The following CAPZB variants were observed in gnomAD, a reference collection of about 807,000 sequenced individuals.
CAPZB encodes capping actin protein of muscle Z-line subunit beta.
Under a neutral mutation model 38.1 loss-of-function variants are expected in CAPZB, and 2 were observed. The observed-to-expected ratio is 0.05, with a 90% CI of 0.02 to 0.17. The LOEUF (loss-of-function observed/expected upper bound fraction) is 0.17. CAPZB is among the 10% of genes least tolerant of loss of function. The pLI, the probability that CAPZB is intolerant of heterozygous loss-of-function variation, is 1.00. For missense variants in CAPZB, 161 were observed against 334.2 expected (o/e 0.48, Z 4.04); for synonymous variants, 107 against 127.4 (o/e 0.84, Z 1.08).
At chr1:19,457,015 TG>T (rs1204485042) in intron 1 of CAPZB, among the ~76,000 whole-genome samples, 1 of 152,194 alleles carries the variant, frequency 6.6e-6, no homozygotes, top group Non-Finnish European at 1.5e-5. Context: ...CTGTGTGTGT[TG>T]GAGGGTAGCC....
intron 3 of CAPZB, among the ~76,000 whole-genome samples, chr1:19,382,695 A>T (rs527288317): frequency 6.3e-4 from 96 of 152,282 alleles, no homozygotes; most frequent in African/African-American, 2.2e-3. Context: ...GCAGGTACCA[A>T]GTCTCCCGCA....
At chr1:19,452,793 C>CTTTTTTTTTTT (rs34430556) in intron 1 of CAPZB, among the ~76,000 whole-genome samples, 4 of 118,432 alleles carry the variant, frequency 3.4e-5, no homozygotes, top group Non-Finnish European at 5.2e-5. Context: ...TAATTTCTTT[C>CTTTTTTTTTTT]TTTTTTTTTT....
intron 2 of CAPZB, among the ~76,000 whole-genome samples, chr1:19,411,434 C>T (rs145231909): frequency 1.6e-4 from 24 of 152,240 alleles, no homozygotes; most frequent in Non-Finnish European, 2.6e-4. Context: ...GAAATTCAAG[C>T]CCCTTCCCCT....
At position 19,339,496 on chromosome 1, in the gene CAPZB, T is replaced by A. The variant is rs531317274; in HGVS notation, c.*34A>T. The A allele has an allele frequency of 6.7e-7, 1 of 1,481,774 alleles. No homozygotes were observed. Among genetic ancestry groups the A allele is most frequent in the East Asian group, 2.3e-5 (1 of 44,234 alleles). The allele number at this position is 1,481,774 out of a possible 1,614,324, so 91.8% of individuals were successfully genotyped here. On this transcript the variant is annotated 3_prime_UTR_variant, in exon 9 of 9. Transcript: ENST00000264202. ...TTTTCTAAGAAAGGAATCTAACGAGTGCACGGCGTGTCTGGTTAGCATGAA... is the reference window on the plus strand; with the variant it reads ...TTTTCTAAGAAAGGAATCTAACGAGAGCACGGCGTGTCTGGTTAGCATGAA...
chr1:19,406,203 G>A (rs535359838), intron 2 of CAPZB, among the ~76,000 whole-genome samples: 17 of 152,296 alleles, frequency 1.1e-4, no homozygotes, highest in Non-Finnish European at 2.4e-4. Flanking sequence ...GGAGGAGGGC[G>A]GGACTATTCC....
chr1:19,440,932 T>C (rs890203636), intron 1 of CAPZB, among the ~76,000 whole-genome samples: 16 of 152,022 alleles, frequency 1.1e-4, no homozygotes, highest in Admixed American at 9.2e-4. Context: ...TGGTGGCGGG[T>C]GCCTGTGGTC....
At chr1:19,417,374 G>A (rs928378630) in intron 2 of CAPZB, among the ~76,000 whole-genome samples, 3 of 152,176 alleles carry the variant, frequency 2.0e-5, no homozygotes, top group Non-Finnish European at 2.9e-5. Flanking sequence ...AGCCAAGCAT[G>A]CTTTCATGCT....
chr1:19,371,672 C>A (rs1381662618), intron 4 of CAPZB, among the ~76,000 whole-genome samples: 3 of 152,090 alleles, frequency 2.0e-5, no homozygotes, highest in Non-Finnish European at 4.4e-5. Flanking sequence ...GCCTGGGAAG[C>A]CCCCCAGCAC....
chr1:19,444,581 C>T (rs1276749700), intron 1 of CAPZB, among the ~76,000 whole-genome samples: 1 of 152,196 alleles, frequency 6.6e-6, no homozygotes, highest in Admixed American at 6.5e-5. Context: ...CAGGCCCTGG[C>T]CTGGCTGTTC....
At chr1:19,434,298 T>C (rs2094451186) in intron 1 of CAPZB, among the ~76,000 whole-genome samples, 1 of 152,202 alleles carries the variant, frequency 6.6e-6, no homozygotes, top group Admixed American at 6.5e-5. Context: ...CCTCGATTCC[T>C]TCATCTGTTT....
chr1:19,382,466 A>G (rs927917394), intron 3 of CAPZB, among the ~76,000 whole-genome samples: 2 of 152,214 alleles, frequency 1.3e-5, no homozygotes, highest in African/African-American at 4.8e-5. Flanking sequence ...CGGTCACACC[A>G]TAAGGATCTT....
intron 1 of CAPZB, among the ~76,000 whole-genome samples, chr1:19,456,348 G>GA (rs2094533041): frequency 6.6e-6 from 1 of 152,182 alleles, no homozygotes; most frequent in African/African-American, 2.4e-5. Flanking sequence ...ACACCTCTAA[G>GA]AAGAGGGTCA....
At chr1:19,349,398 G>A (rs2093979727) in intron 6 of CAPZB, among the ~76,000 whole-genome samples, 1 of 151,972 alleles carries the variant, frequency 6.6e-6, no homozygotes, top group Non-Finnish European at 1.5e-5. Flanking sequence ...CCGGCTCCAT[G>A]TGGACGGCAG....
chr1:19,390,144 C>T (rs1432531031), intron 2 of CAPZB, among the ~76,000 whole-genome samples: 1 of 152,236 alleles, frequency 6.6e-6, no homozygotes, highest in East Asian at 1.9e-4. Context: ...TCTAACCAGT[C>T]CCTACACTCA....
intron 1 of CAPZB, among the ~76,000 whole-genome samples, chr1:19,443,428 CCTTT>C (rs996654740): frequency 5.3e-5 from 8 of 152,106 alleles, no homozygotes; most frequent in African/African-American, 1.9e-4. Context: ...AAAATCCATT[CCTTT>C]TTTTAAAATA....
chr1:19,483,057 C>A (rs191902047), intron 1 of CAPZB, among the ~76,000 whole-genome samples: 2 of 152,316 alleles, frequency 1.3e-5, no homozygotes, highest in Non-Finnish European at 2.9e-5. Context: ...CTAGGCCCCA[C>A]GGATACAGCT....
chr1:19,423,660 G>T (rs1186033118), intron 1 of CAPZB, among the ~76,000 whole-genome samples: 1 of 151,684 alleles, frequency 6.6e-6, no homozygotes, highest in Non-Finnish European at 1.5e-5. Context: ...AAGTAGCTTG[G>T]ATTACAGGCA....
chr1:19,474,958 C>T (rs1427119937), intron 1 of CAPZB, among the ~76,000 whole-genome samples: 1 of 152,070 alleles, frequency 6.6e-6, no homozygotes, highest in Non-Finnish European at 1.5e-5. Context: ...GTCTGCGAGG[C>T]CCAGAACTGA....
intron 1 of CAPZB, among the ~76,000 whole-genome samples, chr1:19,429,554 C>T (rs1394272330): frequency 2.0e-5 from 3 of 152,170 alleles, no homozygotes; most frequent in Admixed American, 6.5e-5. Context: ...GTCTACCTCA[C>T]GGGCCACTGG....
Sources: allele counts gnomAD v4.1 joint callset (sites outside exome capture counted in the v4.1 genomes callset), GRCh38; gene constraint gnomAD v4.1.1; transcripts MANE v1.5; gene names NCBI Gene and HGNC (gene_info 2026-07-23, HGNC 2026-07-21).